The following ITGAE variants were observed in gnomAD, a reference collection of about 807,000 sequenced individuals.
The protein encoded by ITGAE is integrin subunit alpha E.
A neutral mutation model predicts 136.5 loss-of-function variants in ITGAE; 99 were observed. The observed-to-expected ratio is 0.73, with a 90% CI of 0.62 to 0.86. ITGAE has a LOEUF of 0.86. Among genes scored for constraint, ITGAE ranks in the 40% least tolerant of loss-of-function variants. The pLI is 0.00. For missense variants in ITGAE, 1,447 were observed against 1,515.3 expected, an observed-to-expected ratio of 0.95 and a Z score of 0.75; for synonymous variants, 613 against 591.8, an observed-to-expected ratio of 1.04 and a Z score of -0.52.
chr17:3,754,577 C>T (rs1387759279), intron 12 of ITGAE: 4 of 150,456 alleles, frequency 2.7e-5, no homozygotes, highest in Admixed American at 1.4e-4. Flanking sequence ...AGAGGCCCCG[C>T]CCTCCCCTGG....
chr17:3,788,834 AATT>A, intron 1 of ITGAE, among the ~76,000 whole-genome samples: 1 of 142,062 alleles, frequency 7.0e-6, no homozygotes, highest in East Asian at 2.0e-4. Context: ...TTATTAAAAT[AATT>A]ATTTAAAAAT....
At chr17:3,729,649 C>A in intron 23 of ITGAE, 94 bp from the exon 24 acceptor site, 1 of 857,160 alleles carries the variant, frequency 1.2e-6, no homozygotes, top group Non-Finnish European at 2.0e-6. Flanking sequence ...GGCAGGAGTG[C>A]AGTGTTGCCG....
chr17:3,736,548 C>A (rs1468817925), intron 20 of ITGAE, among the ~76,000 whole-genome samples: 1 of 152,016 alleles, frequency 6.6e-6, no homozygotes, highest in African/African-American at 2.4e-5. Context: ...AGCTTCCTAC[C>A]CACAAAATCA....
At chr17:3,723,601 T>A in intron 27 of ITGAE, 87 bp downstream of exon 27, 1 of 1,369,658 alleles carries the variant, frequency 7.3e-7, no homozygotes, top group Non-Finnish European at 9.9e-7. Context: ...CCGGCAGGGG[T>A]AACCCAGGAA....
In ITGAE at chr17:3,739,774, T is replaced by C. The variant is rs762631846; in HGVS notation, c.2522+31A>G. On this transcript the variant is annotated intron_variant, in intron 20 of 30. Coordinates refer to ENST00000263087, the MANE Select transcript of ITGAE (RefSeq NM_002208.5). ...AGGCAAGCGTTCGGGAGAAGGTTAA[T>C]CGAGGAAACTGACGGCTATGTCCAA... 4 of 1,592,044 alleles carry C rather than the reference T, an allele frequency of 2.5e-6. No homozygotes were observed. The South Asian group carries it at 3.3e-5, about 13-fold the overall frequency.
intron 15 of ITGAE, 118 bp from the exon 16 acceptor site, chr17:3,750,600 G>A (rs1367833455): frequency 1.1e-5 from 13 of 1,238,022 alleles, no homozygotes; most frequent in South Asian, 1.5e-5. Context: ...AGGGAGCCCC[G>A]AGTCTAGAAC....
chr17:3,719,250 AAAAAAAG>A (rs2051002012), intron 29 of ITGAE, among the ~76,000 whole-genome samples: 4 of 146,160 alleles, frequency 2.7e-5, no homozygotes, highest in African/African-American at 1.0e-4. Context: ...AAAAAAAAAA[AAAAAAAG>A]AAAAGAAAAG....
In ITGAE at chr17:3,745,561, C is replaced by T. The variant is rs1179072744; in HGVS notation, c.2319+203G>A. Among the ~76,000 whole-genome samples the T allele has an allele frequency of 2.6e-5, 4 of 152,148 alleles. No homozygotes were observed. In the South Asian group the frequency reaches 6.2e-4, roughly 24 times the overall value. ...TTCACCGTGTTGGCCCGGCTGGTCT[C>T]GAACTCCTGACCTCAAGTGATCCCC... On this transcript the variant is annotated intron_variant, in intron 18 of 30. Transcript: ENST00000263087.
At chr17:3,801,012 AG>A in intron 1 of ITGAE, 98 bp downstream of exon 1, 1 of 1,370,248 alleles carries the variant, frequency 7.3e-7, no homozygotes, top group Non-Finnish European at 1.0e-6. Flanking sequence ...GCTCTAACTG[AG>A]CCCCATCAGA....
chr17:3,753,960 T>C (rs1170653547), intron 12 of ITGAE, 35 bp from the exon 13 acceptor site: 6 of 1,603,268 alleles, frequency 3.7e-6, no homozygotes, highest in Non-Finnish European at 5.1e-6. Context: ...GAACACACCG[T>C]GTGCTCCCAC....
intron 2 of ITGAE, among the ~76,000 whole-genome samples, chr17:3,773,184 A>G (rs371327101): frequency 1.3e-5 from 2 of 152,038 alleles, no homozygotes; most frequent in Admixed American, 1.3e-4. Context: ...ACCGACATTT[A>G]CTGGTTTATT....
intron 1 of ITGAE, among the ~76,000 whole-genome samples, chr17:3,792,155 C>T: frequency 6.6e-6 from 1 of 151,920 alleles, no homozygotes; most frequent in Non-Finnish European, 1.5e-5. Flanking sequence ...GGAGTCTGGC[C>T]CTGTTGCCCA....
At chr17:3,732,946 C>G (rs1458865020) in intron 21 of ITGAE, among the ~76,000 whole-genome samples, 2 of 152,158 alleles carry the variant, frequency 1.3e-5, no homozygotes, top group Non-Finnish European at 2.9e-5. Context: ...CGGTCCATCC[C>G]TAGTTCCCCT....
chr17:3,753,796 A>G lies in ITGAE; in HGVS notation c.1514T>C (p.Leu505Pro), dbSNP rs1199057987. The G allele has an allele frequency of 5.6e-6, 9 of 1,614,054 alleles. No homozygotes were observed. Among genetic ancestry groups the G allele is most frequent in the Non-Finnish European group, 7.6e-6 (9 of 1,180,032 alleles). ...CCCAGCAGGTACCTGCTCTCCCTCC[A>G]GCACTGGCAGGAAGCTGGCCTCTCT... ...EGREASFLPVLEGEQMGSYFG... is the reference protein window; with the variant it reads ...EGREASFLPVPEGEQMGSYFG... Residue 505 changes from leucine (L) to proline (P), a missense_variant, in exon 13 of 31, where the codon CTG becomes CCG. Transcript: ENST00000263087.
At chr17:3,787,362 T>G (rs2052825429) in intron 1 of ITGAE, among the ~76,000 whole-genome samples, 1 of 152,130 alleles carries the variant, frequency 6.6e-6, no homozygotes, top group Non-Finnish European at 1.5e-5. Flanking sequence ...TCCGCCCACC[T>G]CAGCCTCCCA....
rs1284901107 is a variant in ITGAE, at chr17:3,799,879, CT to C, written c.34+1231del. On this transcript the variant is annotated intron_variant, in intron 1 of 30. Coordinates refer to ENST00000263087, the MANE Select transcript of ITGAE (RefSeq NM_002208.5). The surrounding 1 kb of genome is among the most constrained non-coding windows in gnomAD (Gnocchi z 4.1). ...GTGGCTCATGCCTGTAGTCCCAACA[CT>C]TTGGGAGGCCGAGGCAGGTCGATCA... Among the ~76,000 whole-genome samples the C allele has an allele frequency of 2.0e-5, 3 of 152,184 alleles. No homozygotes were observed. Among genetic ancestry groups the C allele is most frequent in the Non-Finnish European group, 4.4e-5 (3 of 68,028 alleles).
Position 3,796,151 on chromosome 17 carries a change from G to A in ITGAE, c.34+4960C>T, listed in dbSNP as rs1227348551. On this transcript the variant is annotated intron_variant, in intron 1 of 30. Coordinates refer to ENST00000263087, the MANE Select transcript of ITGAE (RefSeq NM_002208.5). ...TGTGCATCCATGTGTGTGCATCCGT[G>A]TGTGTGTGTGTGTGCATCCGTGTGT... Among the ~76,000 whole-genome samples, 71 of 14,090 alleles carry A rather than the reference G, an allele frequency of 5.0e-3. 3 individuals carry two copies. Among genetic ancestry groups the A allele is most frequent in the African/African-American group, 0.022 (69 of 3,140 alleles). The allele number at this position is 14,090 out of a possible 152,430, so 9.2% of individuals were successfully genotyped here.
At position 3,731,147 on chromosome 17, in the gene ITGAE, C is replaced by T. The variant is rs938712176; in HGVS notation, c.2791G>A (p.Ala931Thr). The change falls in exon 23 of 31, where the codon GCC (alanine) becomes ACC (threonine). Residue 931 changes from alanine to threonine, a missense_variant. Transcript: ENST00000263087. ...ATGTCTGCTGTCCTGTTTGGAAAGG[C>T]ATTCTCCTCTAGCTGCCAAACGACT... ...VSVVWQLEEN[A>T]FPNRTADITV... 6.2e-7 allele frequency: 1 copy of T among 1,613,786 alleles called. No homozygotes were observed. Among genetic ancestry groups the T allele is most frequent in the Non-Finnish European group, 8.5e-7 (1 of 1,179,798 alleles).
intron 26 of ITGAE, among the ~76,000 whole-genome samples, chr17:3,727,371 GTC>G (rs1471890375): frequency 2.0e-5 from 3 of 151,402 alleles, no homozygotes; most frequent in Non-Finnish European, 4.4e-5. Context: ...AAGGGAAAAT[GTC>G]TCTGTCTACT....
Sources: allele counts gnomAD v4.1 joint callset (sites outside exome capture counted in the v4.1 genomes callset), GRCh38; gene constraint gnomAD v4.1.1; non-coding constraint Gnocchi (gnomAD v3.1); transcripts MANE v1.5; gene names NCBI Gene and HGNC (gene_info 2026-07-23, HGNC 2026-07-21).